Variants in ADD2 observed in about 807,000 individuals in gnomAD.
ADD2 encodes adducin 2.
Under a neutral mutation model 83.0 loss-of-function variants are expected in ADD2, and 23 were observed. The observed-to-expected ratio is 0.28, with a 90% CI of 0.20 to 0.39. ADD2 has a LOEUF of 0.39. ADD2 is among the 10% of genes least tolerant of loss of function. The probability of loss-of-function intolerance (pLI) is 1.00; values close to 1 mark genes in which losing one functional copy is unlikely to be tolerated. For synonymous variants in ADD2, 375 were observed against 375.4 expected, an observed-to-expected ratio of 1.00 and a Z score of 0.01; for missense variants, 758 against 944.9, an observed-to-expected ratio of 0.80 and a Z score of 2.59.
intron 1 of ADD2, among the ~76,000 whole-genome samples, chr2:70,725,305 G>A (rs187053763): frequency 1.3e-5 from 2 of 152,300 alleles, no homozygotes; most frequent in East Asian, 3.9e-4. Flanking sequence ...TGGACTAGCT[G>A]AAGAAGTTGA....
chr2:70,675,160 G>A (rs1296930306), intron 13 of ADD2: 12 of 1,031,792 alleles, frequency 1.2e-5, no homozygotes, highest in African/African-American at 1.7e-5. Flanking sequence ...TGCAAATACA[G>A]TTGGTGGCCC....
chr2:70,752,747 A>G (rs1297566395), intron 1 of ADD2, among the ~76,000 whole-genome samples: 13 of 152,228 alleles, frequency 8.5e-5, no homozygotes, highest in Admixed American at 2.0e-4. Context: ...TAAGACATGC[A>G]TGTAGAAATG....
intron 2 of ADD2, among the ~76,000 whole-genome samples, chr2:70,708,158 A>G (rs1671999537): frequency 6.6e-6 from 1 of 152,122 alleles, no homozygotes. Flanking sequence ...AGCTTGGAGG[A>G]CAGTGGAAGG....
chr2:70,737,289 G>A (rs1330479419), intron 1 of ADD2, among the ~76,000 whole-genome samples: 1 of 152,106 alleles, frequency 6.6e-6, no homozygotes, highest in Non-Finnish European at 1.5e-5. Context: ...TGTTTATTGT[G>A]GCACTATTCA....
At chr2:70,730,340 C>T (rs1673217524) in intron 1 of ADD2, among the ~76,000 whole-genome samples, 1 of 152,208 alleles carries the variant, frequency 6.6e-6, no homozygotes, top group African/African-American at 2.4e-5. Flanking sequence ...AAGGCAGACC[C>T]CCTCCACCCG....
At chr2:70,699,209 T>C (rs1671461543) in intron 4 of ADD2, among the ~76,000 whole-genome samples, 1 of 152,018 alleles carries the variant, frequency 6.6e-6, no homozygotes, top group African/African-American at 2.4e-5. Context: ...AGATAAGCCA[T>C]GTGAATATGG....
Position 70,678,865 on chromosome 2 carries a change from C to T in ADD2, c.1222G>A (p.Val408Met), listed in dbSNP as rs34196785. The T allele has an allele frequency of 2.3e-4, 371 of 1,614,076 alleles. No individual in the cohort carries two copies. The highest frequency in any genetic ancestry group is 2.7e-4 in the Non-Finnish European group (314 of 1,180,044). The change falls in exon 11 of 16, where the codon GTG becomes ATG. Residue 408 changes from valine (V) to methionine (M), a missense_variant. By Grantham distance (21) the Val-to-Met change is conservative. Coordinates refer to ENST00000264436, the MANE Select transcript of ADD2 (RefSeq NM_001617.4). Reference protein sequence around the residue: ...VEIPATVTAFVFEEDGAPVPA... With the variant: ...VEIPATVTAFMFEEDGAPVPA... ...ACCGGGGCACCGTCCTCCTCAAACA[C>T]GAAGGCTGTGACCGTGGCTGGAATC...
Position 70,663,356 on chromosome 2 carries a change from G to A in ADD2, c.*69C>T. The A allele has an allele frequency of 1.3e-6, 2 of 1,500,166 alleles. No individual in the cohort carries two copies. Among genetic ancestry groups the A allele is most frequent in the Non-Finnish European group, 1.8e-6 (2 of 1,100,688 alleles). 92.9% of individuals were successfully genotyped at this position (1,500,166 alleles called of 1,614,324 possible). ...ATCCCTCCTTAGCCCTGTGCTTGCA[G>A]GGACAGAGATGGGAGAAGGGAAGGG... On this transcript the variant is annotated 3_prime_UTR_variant, in exon 16 of 16. Coordinates refer to ENST00000264436, the MANE Select transcript of ADD2 (RefSeq NM_001617.4).
intron 1 of ADD2, among the ~76,000 whole-genome samples, chr2:70,765,295 G>A (rs980287475): frequency 2.0e-5 from 3 of 152,244 alleles, no homozygotes; most frequent in African/African-American, 7.2e-5. Flanking sequence ...GGAGGTTGCA[G>A]TGAGCCGAGA....
chr2:70,760,489 G>T (rs1675026707), intron 1 of ADD2: 1 of 152,204 alleles, frequency 6.6e-6, no homozygotes, highest in Admixed American at 6.5e-5. Context: ...CAATGAATAA[G>T]ATACAAATGG....
rs2287098 is a variant in ADD2 at position 70,768,085 on chromosome 2, A to T, written c.-353T>A. On this transcript the variant is annotated 5_prime_UTR_variant, in exon 1 of 16. Coordinates refer to ENST00000264436, the MANE Select transcript of ADD2 (RefSeq NM_001617.4). ...GTGCAGCGGCTCCGCGGCGGCGGGG[A>T]TGACTGGCCACCGACGCCGCAGTTC... The T allele has an allele frequency of 0.39, 421,552 of 1,078,318 alleles. 86,298 individuals carry two copies. The highest frequency in any genetic ancestry group is 0.7 in the African/African-American group (44,212 of 62,922). The allele number at this position is 1,078,318 out of a possible 1,614,324, so 66.8% of individuals were successfully genotyped here.
rs557666128 is a variant in ADD2 at position 70,725,452 on chromosome 2, T to A, written c.-153-12268A>T. Among the ~76,000 whole-genome samples the A allele has an allele frequency of 2.6e-5, 4 of 152,260 alleles. No individual in the cohort carries two copies. The East Asian group carries it at 5.8e-4, about 22-fold the overall frequency. On this transcript the variant is annotated intron_variant, in intron 1 of 15. Transcript: ENST00000264436. Reference sequence around the variant, plus strand: ...TGTATGTCCTAACTCCCAGAGCCTGTGAATGTGATCTTATTTAGAAAATGG... The same window carrying A: ...TGTATGTCCTAACTCCCAGAGCCTGAGAATGTGATCTTATTTAGAAAATGG...
Position 70,713,061 on chromosome 2 carries a change from C to T in ADD2, c.-35+5G>A. The T allele has an allele frequency of 1.0e-6, 1 of 984,348 alleles. No individual in the cohort carries two copies. The highest frequency in any genetic ancestry group is 1.2e-6 in the Non-Finnish European group (1 of 828,920). The allele number at this position is 984,348 out of a possible 1,614,324, so 61.0% of individuals were successfully genotyped here. On this transcript the variant is annotated splice_donor_5th_base_variant and intron_variant, in intron 2 of 15. Transcript: ENST00000264436. Reference sequence around the variant, plus strand: ...CGTCACCACCAGAAACTACTGCTTACTTACCGGGAGGCTGGCCCAGCCCTG... The same window carrying T: ...CGTCACCACCAGAAACTACTGCTTATTTACCGGGAGGCTGGCCCAGCCCTG...
intron 1 of ADD2, chr2:70,767,503 A>AAGAGAGGGGAGGGG (rs1553386320): frequency 2.5e-6 from 1 of 392,948 alleles, no homozygotes; most frequent in East Asian, 1.1e-4. Flanking sequence ...GCGGGAAGGA[A>AAGAGAGGGGAGGGG]AGAGAGGGGA....
At position 70,662,122 on chromosome 2, in the gene ADD2, C is replaced by T. The variant is rs1473458534; in HGVS notation, c.*1303G>A. On this transcript the variant is annotated 3_prime_UTR_variant, in exon 16 of 16. Transcript: ENST00000264436. ...CAAAAGGAAAAATATTCTTTCAAGA[C>T]ACGGTGCTTTCAAGAGAATGGATTG... is the stretch of plus-strand genomic sequence containing the variant. 6.6e-6 allele frequency: 1 copy of T among 152,210 alleles called. No individual in the cohort carries two copies. The highest frequency in any genetic ancestry group is 1.5e-5 in the Non-Finnish European group (1 of 68,048). 9.4% of individuals were successfully genotyped at this position (152,210 alleles called of 1,614,324 possible).
intron 1 of ADD2, 119 bp downstream of exon 1, chr2:70,767,767 C>A (rs1165174559): frequency 2.1e-6 from 3 of 1,461,498 alleles, no homozygotes; most frequent in Admixed American, 5.1e-5. Flanking sequence ...ACGCGCTCGG[C>A]AACAGACGCG....
At chr2:70,751,733 G>C (rs1426732792) in intron 1 of ADD2, among the ~76,000 whole-genome samples, 1 of 139,018 alleles carries the variant, frequency 7.2e-6, no homozygotes, top group Non-Finnish European at 1.6e-5. Flanking sequence ...CCATCTACTT[G>C]ACTATTTAGG....
rs781859519 is a variant in ADD2, at chr2:70,695,742, A to T, written c.534T>A (p.Ser178Arg). 2.5e-6 allele frequency: 4 copies of T among 1,614,114 alleles called. No individual in the cohort carries two copies. In the South Asian group the frequency reaches 3.3e-5, roughly 13 times the overall value. The change falls in exon 6 of 16, where the codon AGT becomes AGA. Residue 178 changes from serine (S) to arginine (R), a missense_variant. Ser to Arg is a moderately radical substitution (Grantham distance 110, BLOSUM62 -1). Transcript: ENST00000264436. ...TCACCAGGCTGGACGCTGTGACTTC[A>T]CTGCAAGAAACTCCCTTAGGGCTGA... ...FLISPKGVSCSEVTASSLIKV... is the reference protein window; with the variant it reads ...FLISPKGVSCREVTASSLIKV...
chr2:70,676,732 C>T lies in ADD2; in HGVS notation c.1593+64G>A, dbSNP rs782566928. 6.2e-7 allele frequency: 1 copy of T among 1,609,622 alleles called. No individual in the cohort carries two copies. The highest frequency in any genetic ancestry group is 1.1e-5 in the South Asian group (1 of 90,430). On this transcript the variant is annotated intron_variant, in intron 13 of 15. Transcript: ENST00000264436. The surrounding 1 kb of genome is among the most constrained non-coding windows in gnomAD (Gnocchi z 4.8). ...ACTCAGGGGTCCTGCAACCCAGCCC[C>T]AGGCACAGAAGACCCCGAAGGCAAA...
Sources: gnomAD v4.1 joint callset for allele counts (sites outside exome capture counted in the v4.1 genomes callset) on GRCh38, gnomAD v4.1.1 for gene constraint, Gnocchi (gnomAD v3.1) non-coding constraint, MANE v1.5 for transcripts, NCBI Gene and HGNC (gene_info 2026-07-23, HGNC 2026-07-21) for gene names.